Variants in IL2RG observed in about 807,000 individuals in gnomAD.
IL2RG encodes the protein interleukin 2 receptor subunit gamma.
For missense variants in IL2RG, 205 were observed against 272.9 expected (o/e 0.75, Z 1.75); for synonymous variants, 111 against 108.5 (o/e 1.02, Z -0.15).
rs1319745356 is a variant in IL2RG at position 71,110,350 on chromosome X, C to T, written c.455-55G>A. The stretch of plus-strand genomic sequence containing the variant: ...CCCCTGGCCTAGACAAGTCAGGATC[C>T]TGAAGGTAGTGCCCCTAATACCTCC... On this transcript the variant is annotated intron_variant, in intron 3 of 7. Transcript: ENST00000374202. 6.9e-6 allele frequency: 8 copies of T among 1,167,864 alleles called. 1 individual carries two copies. The highest frequency in any genetic ancestry group is 9.3e-6 in the Non-Finnish European group (8 of 857,961).
intron 6 of IL2RG, 36 bp downstream of exon 6, chrX:71,108,563 G>A (rs769107442): frequency 2.0e-6 from 2 of 1,012,776 alleles, no homozygotes; most frequent in Middle Eastern, 2.5e-4. Flanking sequence ...GTCAGCTACC[G>A]TTCCCCTCAT....
At chrX:71,108,784 C>T (rs758662130) in intron 5 of IL2RG, 89 bp from the exon 6 acceptor site, 2 of 574,271 alleles carry the variant, frequency 3.5e-6, no homozygotes, top group Middle Eastern at 3.1e-4. Flanking sequence ...GCGCTAAAGA[C>T]ATACTCTCTG....
intron 3 of IL2RG, 23 bp from the exon 4 acceptor site, chrX:71,110,318 G>C (rs1569480003): frequency 8.3e-7 from 1 of 1,207,223 alleles, no homozygotes; most frequent in Non-Finnish European, 1.1e-6. Context: ...GTGCATATGT[G>C]GTCATTCCCC....
Position 71,110,519 on chromosome X carries a change from T to C in IL2RG, c.439A>G (p.Lys147Glu). Residue 147 changes from lysine (K) to glutamate (E), a missense_variant, in exon 3 of 8, where the codon AAA becomes GAA. Coordinates refer to ENST00000374202, the MANE Select transcript of IL2RG (RefSeq NM_000206.3). Reference protein sequence around the residue: ...EPRRQATQMLKLQNLVIPWAP... With the variant: ...EPRRQATQMLELQNLVIPWAP... ...TCCAAATTACCCAGATTCTGCAGTT[T>C]TAGCATCTGTGTGGCCTGTCTCCTG... 1.7e-6 allele frequency: 2 copies of C among 1,211,244 alleles called. No individual in the cohort carries two copies.
In IL2RG at chrX:71,111,540, G is replaced by T. The variant is rs747140632; in HGVS notation, c.-1C>A. On this transcript the variant is annotated 5_prime_UTR_variant, in exon 1 of 8. Transcript: ENST00000374202. ...TGAATGGTAATGATGGCTTCAACAT[G>T]GCGCTTGCTCTTCATTCCCTGGGTG... is the stretch of plus-strand genomic sequence containing the variant. The T allele has an allele frequency of 1.7e-6, 2 of 1,211,328 alleles. No individual in the cohort carries two copies. The highest frequency in any genetic ancestry group is 4.3e-5 in the Admixed American group (2 of 46,037).
rs1406685214 is a variant in IL2RG at position 71,111,576 on chromosome X, G to C, written c.-37C>G. 4.2e-6 allele frequency: 5 copies of C among 1,203,327 alleles called. No homozygotes were observed. Among genetic ancestry groups the C allele is most frequent in the Non-Finnish European group, 5.6e-6 (5 of 890,496 alleles). On this transcript the variant is annotated 5_prime_UTR_variant, in exon 1 of 8. Transcript: ENST00000374202. The stretch of plus-strand genomic sequence containing the variant: ...TTCATTCCCTGGGTGTAGTCTGTCT[G>C]TGTCAGGAACCTGGGTCCCTCACCC...
intron 7 of IL2RG, 144 bp downstream of exon 7, chrX:71,108,133 G>T (rs1344414369): frequency 1.8e-6 from 1 of 554,358 alleles, no homozygotes. Flanking sequence ...TATAGTCCAT[G>T]CCCCATTTGG....
At chrX:71,109,668 C>T (rs1029782942) in intron 4 of IL2RG, among the ~76,000 whole-genome samples, 1 of 111,374 alleles carries the variant, frequency 9.0e-6, no homozygotes, top group Non-Finnish European at 1.9e-5. Context: ...GGAATGGTGG[C>T]TCACGCCTGT....
rs1403822041 is a variant in IL2RG, at chrX:71,109,450, A to G, written c.595-60T>C. On this transcript the variant is annotated intron_variant, in intron 4 of 7. Coordinates refer to ENST00000374202, the MANE Select transcript of IL2RG (RefSeq NM_000206.3). ...CTATGAGAGAAGGGAGAATTAAAACATACTCCTGAACACCCACCAGTGTCA... is the reference window on the plus strand; with the variant it reads ...CTATGAGAGAAGGGAGAATTAAAACGTACTCCTGAACACCCACCAGTGTCA... 8 of 1,063,301 alleles carry G rather than the reference A, an allele frequency of 7.5e-6. No individual in the cohort carries two copies. In the East Asian group the frequency reaches 2.2e-4, roughly 29 times the overall value. 87.6% of individuals were successfully genotyped at this position (1,063,301 alleles called of 1,213,427 possible).
chrX:71,110,236 G>A lies in IL2RG; in HGVS notation c.514C>T (p.Leu172=), dbSNP rs141707292. 1 of 1,209,126 alleles carries A rather than the reference G, an allele frequency of 8.3e-7. No homozygotes were observed. Among genetic ancestry groups the A allele is most frequent in the African/African-American group, 1.7e-5 (1 of 57,693 alleles). Residue 172 remains leucine, a synonymous_variant, in exon 4 of 8, where the codon CTG becomes TTG. Coordinates refer to ENST00000374202, the MANE Select transcript of IL2RG (RefSeq NM_000206.3). The part of the protein sequence containing the change: ...LHKLSESQLE[L]NWNNRFLNHC... ...TTCAAGAATCTGTTGTTCCAGTTCAGTTCTAGCTGGGATTCACTCAGTTTG... is the reference window on the plus strand; with the variant it reads ...TTCAAGAATCTGTTGTTCCAGTTCAATTCTAGCTGGGATTCACTCAGTTTG...
intron 2 of IL2RG, 71 bp downstream of exon 2, chrX:71,110,826 G>C (rs757821540): frequency 6.8e-5 from 78 of 1,149,344 alleles, no homozygotes; most frequent in Non-Finnish European, 9.1e-5. Context: ...TGGGAGACTT[G>C]CTACCCTCTC....
At chrX:71,110,089 T>C (rs2092260210) in intron 4 of IL2RG, 67 bp downstream of exon 4, 1 of 1,130,648 alleles carries the variant, frequency 8.8e-7, no homozygotes, top group East Asian at 3.0e-5. Flanking sequence ...CTTCTATCTG[T>C]CTGGTTGAAT....
At chrX:71,109,507 C>T in intron 4 of IL2RG, 117 bp from the exon 5 acceptor site, 1 of 683,969 alleles carries the variant, frequency 1.5e-6, no homozygotes, top group Non-Finnish European at 2.2e-6. Flanking sequence ...TCTCTCATCT[C>T]TTGACTACTC....
chrX:71,109,494 TTC>T (rs1242360622), intron 4 of IL2RG, 104 bp from the exon 5 acceptor site: 8 of 767,272 alleles, frequency 1.0e-5, no homozygotes, highest in Non-Finnish European at 1.3e-5. Flanking sequence ...ACTGCCCAGT[TTC>T]TCTCTCATCT....
intron 4 of IL2RG, 45 bp from the exon 5 acceptor site, chrX:71,109,435 A>C: frequency 1.8e-6 from 2 of 1,134,515 alleles, no homozygotes; most frequent in Non-Finnish European, 2.4e-6. Flanking sequence ...CTATGAGAGA[A>C]GGGAGAATTA....
Position 71,108,351 on chromosome X carries a change from C to T in IL2RG, c.855-5G>A. On this transcript the variant is annotated splice_polypyrimidine_tract_variant and splice_region_variant and intron_variant, in intron 6 of 7. Coordinates refer to ENST00000374202, the MANE Select transcript of IL2RG (RefSeq NM_000206.3). ...GTGGGAATTCGGGGCATCGTCCTGA[C>T]AGGGGAGAAAGAGGGAGCAGGAGCA... The T allele has an allele frequency of 8.5e-7, 1 of 1,173,750 alleles. No homozygotes were observed. The highest frequency in any genetic ancestry group is 1.8e-5 in the South Asian group (1 of 56,130).
chrX:71,108,745 C>T (rs1275094949), intron 5 of IL2RG, 50 bp from the exon 6 acceptor site: 1 of 872,393 alleles, frequency 1.1e-6, no homozygotes, highest in South Asian at 2.2e-5. Context: ...TGTGCCCCTA[C>T]TACATGCCAG....
intron 3 of IL2RG, 39 bp downstream of exon 3, chrX:71,110,465 C>T: frequency 2.6e-6 from 3 of 1,175,041 alleles, no homozygotes; most frequent in Non-Finnish European, 2.3e-6. Context: ...CAATGTCCCA[C>T]AGTATCCCTG....
intron 1 of IL2RG, 43 bp from the exon 2 acceptor site, chrX:71,111,093 G>C: frequency 8.8e-7 from 1 of 1,135,310 alleles, no homozygotes; most frequent in Non-Finnish European, 1.2e-6. Context: ...AAAGAGAAAT[G>C]ATGGTCAGAA....
Sources: gnomAD v4.1 joint callset for allele counts (sites outside exome capture counted in the v4.1 genomes callset) on GRCh38, gnomAD v4.1.1 for gene constraint, MANE v1.5 for transcripts, NCBI Gene and HGNC (gene_info 2026-07-23, HGNC 2026-07-21) for gene names.